The following MYO1E variants were observed in gnomAD, a reference collection of about 807,000 sequenced individuals.
MYO1E encodes the protein myosin IE.
MYO1E carries 68 observed loss-of-function variants against 151.1 expected under a neutral mutation model. That is an observed-to-expected ratio of 0.45 (90% CI 0.37 to 0.55). MYO1E has a LOEUF of 0.55. MYO1E is among the 20% of genes least tolerant of loss of function. The probability of loss-of-function intolerance (pLI) is 0.00; values close to 1 mark genes in which losing one functional copy is unlikely to be tolerated. For missense variants in MYO1E, 1,363 were observed against 1,389.3 expected, an observed-to-expected ratio of 0.98 and a Z score of 0.30; for synonymous variants, 601 against 501.7, an observed-to-expected ratio of 1.20 and a Z score of -2.64.
chr15:59,215,814 G>A (rs1380470095), intron 10 of MYO1E, among the ~76,000 whole-genome samples: 1 of 152,064 alleles, frequency 6.6e-6, no homozygotes, highest in East Asian at 1.9e-4. Context: ...TAGGTAGGAA[G>A]CCCAGCGCTG....
chr15:59,190,741 A>G (rs2079727871), intron 17 of MYO1E, among the ~76,000 whole-genome samples: 1 of 152,214 alleles, frequency 6.6e-6, no homozygotes, highest in African/African-American at 2.4e-5. Context: ...TTTCTATGGA[A>G]AGCACTTAGT....
At chr15:59,158,513 A>G in intron 24 of MYO1E, 134 bp from the exon 25 acceptor site, 1 of 725,320 alleles carries the variant, frequency 1.4e-6, no homozygotes, top group Non-Finnish European at 2.5e-6. Flanking sequence ...GAACAGTTGC[A>G]GTGGAGAAGG....
chr15:59,187,148 T>G (rs1181567895), intron 18 of MYO1E, among the ~76,000 whole-genome samples: 1 of 152,246 alleles, frequency 6.6e-6, no homozygotes, highest in Admixed American at 6.5e-5. Flanking sequence ...TTCTTGCACT[T>G]ATGTGTTACA....
chr15:59,163,112 CTTTTTAGCT>C, intron 23 of MYO1E, 36 bp downstream of exon 23: 2 of 1,609,554 alleles, frequency 1.2e-6, no homozygotes, highest in Non-Finnish European at 1.7e-6. Flanking sequence ...ATCAAGACCC[CTTTTTAGCT>C]ACACGCAGAA....
chr15:59,265,308 CA>C (rs1453541829), intron 2 of MYO1E, among the ~76,000 whole-genome samples: 1 of 152,112 alleles, frequency 6.6e-6, no homozygotes, highest in East Asian at 1.9e-4. Context: ...GGACAACAGA[CA>C]AAGGTACCAC....
intron 11 of MYO1E, 28 bp downstream of exon 11, chr15:59,214,612 A>G: frequency 6.4e-7 from 1 of 1,552,866 alleles, no homozygotes; most frequent in East Asian, 2.2e-5. Flanking sequence ...CACCCTCCTC[A>G]ACCCCTAGTT....
intron 17 of MYO1E, among the ~76,000 whole-genome samples, chr15:59,193,502 T>C (rs1227738333): frequency 1.3e-5 from 2 of 152,110 alleles, no homozygotes; most frequent in African/African-American, 4.8e-5. Flanking sequence ...AGAGGCCAAA[T>C]TAAGTACCTC....
At chr15:59,278,079 G>T (rs2080331612) in intron 1 of MYO1E, among the ~76,000 whole-genome samples, 1 of 152,172 alleles carries the variant, frequency 6.6e-6, no homozygotes, top group Non-Finnish European at 1.5e-5. Context: ...CACTGACCAG[G>T]CTCTCAAAGT....
At chr15:59,346,977 G>C (rs1323386552) in intron 1 of MYO1E, among the ~76,000 whole-genome samples, 1 of 152,018 alleles carries the variant, frequency 6.6e-6, no homozygotes, top group Non-Finnish European at 1.5e-5. Context: ...AAGATGAATG[G>C]AGGCCCCTGA....
At position 59,362,146 on chromosome 15, in the gene MYO1E, T is replaced by A. The variant is rs577484765; in HGVS notation, c.3+10352A>T. Among the ~76,000 whole-genome samples, 6 of 152,320 alleles carry A rather than the reference T, an allele frequency of 3.9e-5. No individual in the cohort carries two copies. In the East Asian group the frequency reaches 5.8e-4, roughly 15 times the overall value. ...GCCACCACGCCCAGCCTATATTTTT[T>A]AAAATAATATCCACACAAATACATA... is the stretch of plus-strand genomic sequence containing the variant. On this transcript the variant is annotated intron_variant, in intron 1 of 27. Coordinates refer to ENST00000288235, the MANE Select transcript of MYO1E (RefSeq NM_004998.4).
intron 1 of MYO1E, among the ~76,000 whole-genome samples, chr15:59,286,454 G>A (rs1392664778): frequency 6.6e-6 from 1 of 152,172 alleles, no homozygotes; most frequent in Non-Finnish European, 1.5e-5. Flanking sequence ...AGCCAACGTG[G>A]AAACTCCACA....
chr15:59,191,326 C>CAGAGACAGAGAGAGAGAGAGAGAGAG, intron 17 of MYO1E, among the ~76,000 whole-genome samples: 1 of 85,790 alleles, frequency 1.2e-5, no homozygotes, highest in South Asian at 3.4e-4. Flanking sequence ...GTCAGACAGA[C>CAGAGACAGAGAGAGAGAGAGAGAGAG]AGAGACAGAG....
intron 1 of MYO1E, among the ~76,000 whole-genome samples, chr15:59,284,701 T>C (rs1381071179): frequency 6.6e-6 from 1 of 151,712 alleles, no homozygotes; most frequent in Admixed American, 6.6e-5. Flanking sequence ...TCTCAAACTC[T>C]TGGGCTTGAG....
At chr15:59,250,867 C>T (rs1566992119) in intron 4 of MYO1E, among the ~76,000 whole-genome samples, 2 of 152,276 alleles carry the variant, frequency 1.3e-5, no homozygotes, top group South Asian at 4.1e-4. Context: ...CAGCTGGAAA[C>T]AAGGATCTGA....
At chr15:59,208,157 A>T in intron 14 of MYO1E, 2 of 1,322,872 alleles carry the variant, frequency 1.5e-6, no homozygotes, top group Non-Finnish European at 2.1e-6. Flanking sequence ...CGAAATTTTG[A>T]ATAAACTTGA....
At chr15:59,205,266 G>A in intron 15 of MYO1E, 134 bp downstream of exon 15, 2 of 893,004 alleles carry the variant, frequency 2.2e-6, no homozygotes, top group South Asian at 1.3e-5. Context: ...AGGATCAAGT[G>A]ATCCTCCTGC....
Position 59,256,314 on chromosome 15 carries a change from A to G in MYO1E, c.302T>C (p.Ile101Thr), listed in dbSNP as rs1462368133. ...LADNMYRNMI[I>T]DRENQCVIIS... ...AATGACGCACTGGTTCTCTCTGTCA[A>G]TGATCATGTTTCTGTACATATTATC... The change falls in exon 4 of 28, where the codon ATT becomes ACT. Residue 101 changes from isoleucine to threonine, a missense_variant. Coordinates refer to ENST00000288235, the MANE Select transcript of MYO1E (RefSeq NM_004998.4). The G allele has an allele frequency of 1.9e-6, 3 of 1,612,866 alleles. No homozygotes were observed. The South Asian group carries it at 3.3e-5, about 18-fold the overall frequency.
chr15:59,363,351 A>T (rs138741358), intron 1 of MYO1E, among the ~76,000 whole-genome samples: 2 of 152,294 alleles, frequency 1.3e-5, no homozygotes, highest in African/African-American at 4.8e-5. Context: ...GTCCCAAAGC[A>T]AGGAAATTAA....
At chr15:59,163,361 GTTTTT>G (rs3214992) in intron 22 of MYO1E, 58 bp from the exon 23 acceptor site, 2 of 1,395,048 alleles carry the variant, frequency 1.4e-6, no homozygotes, top group South Asian at 1.3e-5. Context: ...TTACTCTATT[GTTTTT>G]TTTTTCTTCC....
Sources: gnomAD v4.1 joint callset for allele counts (sites outside exome capture counted in the v4.1 genomes callset) on GRCh38, gnomAD v4.1.1 for gene constraint, MANE v1.5 for transcripts, NCBI Gene and HGNC (gene_info 2026-07-23, HGNC 2026-07-21) for gene names.